The following PTPRN2 variants were observed in gnomAD, a reference collection of about 807,000 sequenced individuals.
PTPRN2 encodes protein tyrosine phosphatase receptor type N2.
In PTPRN2, 74 loss-of-function variants were observed where a neutral mutation model predicts 118.8. The ratio of observed to expected loss-of-function variants is 0.62; its 90% CI spans 0.52 to 0.76. The LOEUF (loss-of-function observed/expected upper bound fraction) is 0.76. Among genes scored for constraint, PTPRN2 ranks in the 30% least tolerant of loss-of-function variants. The pLI is 0.00. For missense variants in PTPRN2, 1,481 were observed against 1,394.4 expected, an observed-to-expected ratio of 1.06 and a Z score of -0.99; for synonymous variants, 641 against 608.0, an observed-to-expected ratio of 1.05 and a Z score of -0.80.
chr7:157,865,187 G>A (rs990253122), intron 12 of PTPRN2: 1 of 152,460 alleles, frequency 6.6e-6, no homozygotes, highest in African/African-American at 2.4e-5. Flanking sequence ...GTCCCTAGGT[G>A]AGACGGGAGC....
At chr7:158,478,271 A>G (rs557941352) in intron 2 of PTPRN2, among the ~76,000 whole-genome samples, 3 of 152,226 alleles carry the variant, frequency 2.0e-5, no homozygotes, top group Non-Finnish European at 4.4e-5. Context: ...CTGCAGGTGC[A>G]CTGCAGTGGA....
intron 2 of PTPRN2, among the ~76,000 whole-genome samples, chr7:158,317,863 T>G (rs1353543147): frequency 6.6e-6 from 1 of 152,218 alleles, no homozygotes; most frequent in Non-Finnish European, 1.5e-5. Context: ...TGGTCTGATA[T>G]TGCATATATG....
At chr7:157,855,286 C>A (rs1176527969) in intron 12 of PTPRN2, among the ~76,000 whole-genome samples, 1 of 152,166 alleles carries the variant, frequency 6.6e-6, no homozygotes, top group African/African-American at 2.4e-5. Context: ...AGGGAGCGGC[C>A]CCAACCCACG....
intron 2 of PTPRN2, among the ~76,000 whole-genome samples, chr7:158,483,706 A>G (rs1388811067): frequency 6.6e-6 from 1 of 152,214 alleles, no homozygotes; most frequent in Non-Finnish European, 1.5e-5. Context: ...ACCCCTTATT[A>G]AAGAAATGCA....
At chr7:157,684,641 G>T (rs968400640) in intron 12 of PTPRN2, among the ~76,000 whole-genome samples, 1 of 136,808 alleles carries the variant, frequency 7.3e-6, no homozygotes. Context: ...CTTCCAGAAA[G>T]AAGTCACTCT....
chr7:157,747,914 G>C (rs1464344304), intron 12 of PTPRN2, among the ~76,000 whole-genome samples: 202 of 68,220 alleles, frequency 3.0e-3, no homozygotes, highest in South Asian at 0.017. Flanking sequence ...CGTCCCTGAG[G>C]TGTGGGGTGT....
Position 157,690,487 on chromosome 7 carries a change from G to A in PTPRN2, c.1789-7550C>T, listed in dbSNP as rs1797421207. Among the ~76,000 whole-genome samples, 1 of 151,956 alleles carries A rather than the reference G, an allele frequency of 6.6e-6. No homozygotes were observed. Among genetic ancestry groups the A allele is most frequent in the African/African-American group, 2.4e-5 (1 of 41,390 alleles). ...CTCCGCCCCCATCCCAGCCTCTCTC[G>A]CCTCTTCCAGGGCCCACCCAACCGC... is the stretch of plus-strand genomic sequence containing the variant. On this transcript the variant is annotated intron_variant, in intron 12 of 22. Transcript: ENST00000389418. The surrounding 1 kb of genome is among the most constrained non-coding windows in gnomAD (Gnocchi z 7.1).
At chr7:158,314,710 G>T (rs1325743985) in intron 3 of PTPRN2, among the ~76,000 whole-genome samples, 1 of 152,274 alleles carries the variant, frequency 6.6e-6, no homozygotes, top group Non-Finnish European at 1.5e-5. Context: ...CTTTGTGGAG[G>T]GTTCCCCATG....
intron 12 of PTPRN2, among the ~76,000 whole-genome samples, chr7:157,878,529 G>A (rs1197032794): frequency 2.9e-5 from 4 of 137,146 alleles, no homozygotes; most frequent in South Asian, 2.4e-4. Flanking sequence ...CTCGGATTCC[G>A]TGGGGCTTGA....
At chr7:157,992,289 G>A (rs7797130) in intron 11 of PTPRN2, among the ~76,000 whole-genome samples, 46,483 of 152,200 alleles carry the variant, frequency 0.31, 8,703 homozygotes, top group Non-Finnish European at 0.42. Flanking sequence ...AGACTGCATG[G>A]CGACACGTTC....
intron 9 of PTPRN2, among the ~76,000 whole-genome samples, chr7:158,115,009 C>T (rs1313163451): frequency 6.6e-6 from 1 of 152,110 alleles, no homozygotes; most frequent in Non-Finnish European, 1.5e-5. Context: ...GGCGAGCTAT[C>T]AACAGGGCCT....
intron 2 of PTPRN2, among the ~76,000 whole-genome samples, chr7:158,325,852 T>A (rs765747748): frequency 6.6e-6 from 1 of 152,248 alleles, no homozygotes; most frequent in Admixed American, 6.5e-5. Flanking sequence ...TGCAGAATAC[T>A]GTCTACAGTA....
intron 2 of PTPRN2, among the ~76,000 whole-genome samples, chr7:158,329,682 G>T (rs1476821789): frequency 6.6e-6 from 1 of 152,194 alleles, no homozygotes; most frequent in South Asian, 2.1e-4. Flanking sequence ...CAGCCTTCAT[G>T]GACTAAGACA....
intron 14 of PTPRN2, among the ~76,000 whole-genome samples, chr7:157,650,644 C>A (rs188770314): frequency 6.6e-6 from 1 of 152,218 alleles, no homozygotes. Context: ...TGCCCGTCAA[C>A]CACGTGGGAA....
At chr7:158,181,002 A>G (rs895356235) in intron 5 of PTPRN2, among the ~76,000 whole-genome samples, 2 of 152,152 alleles carry the variant, frequency 1.3e-5, no homozygotes, top group Non-Finnish European at 2.9e-5. Context: ...GAGAGTGGGC[A>G]TCCTTGTCTT....
chr7:158,138,206 C>A, intron 7 of PTPRN2, 88 bp downstream of exon 7: 1 of 1,192,994 alleles, frequency 8.4e-7, no homozygotes, highest in Non-Finnish European at 1.2e-6. Flanking sequence ...CCACATTGCA[C>A]TTGGTGAGCC....
intron 10 of PTPRN2, among the ~76,000 whole-genome samples, chr7:158,084,840 CGATGCCCATCCACATCCTT>C (rs1813146735): frequency 6.8e-6 from 1 of 146,504 alleles, no homozygotes; most frequent in East Asian, 2.1e-4. Flanking sequence ...TCCACACCCA[CGATGCCCATCCACATCCTT>C]GATGCCCATC....
At chr7:158,363,791 G>A (rs940605959) in intron 2 of PTPRN2, among the ~76,000 whole-genome samples, 7 of 152,208 alleles carry the variant, frequency 4.6e-5, no homozygotes, top group Admixed American at 4.6e-4. Context: ...GAACCCCAGT[G>A]TCTGGGTCTC....
chr7:158,136,800 A>T, intron 7 of PTPRN2, 105 bp from the exon 8 acceptor site: 4 of 1,047,920 alleles, frequency 3.8e-6, no homozygotes, highest in Middle Eastern at 2.0e-4. Context: ...ACGAAAGGTG[A>T]GGTGTGATGA....
Sources: allele counts gnomAD v4.1 joint callset (sites outside exome capture counted in the v4.1 genomes callset), GRCh38; gene constraint gnomAD v4.1.1; non-coding constraint Gnocchi (gnomAD v3.1); transcripts MANE v1.5; gene names NCBI Gene and HGNC (gene_info 2026-07-23, HGNC 2026-07-21).